The following PAPLN variants were observed in gnomAD, a reference collection of about 807,000 sequenced individuals.
The protein encoded by PAPLN is papilin.
PAPLN carries 146 observed loss-of-function variants against 159.0 expected under a neutral mutation model. The observed-to-expected ratio is 0.92, with a 90% CI of 0.80 to 1.05. The LOEUF (loss-of-function observed/expected upper bound fraction) is 1.05. Ranked by LOEUF, PAPLN falls within the 50% of genes least tolerant of loss-of-function variation. PAPLN has a pLI of 0.00. For synonymous variants in PAPLN, 734 were observed against 702.9 expected, an observed-to-expected ratio of 1.04 and a Z score of -0.70; for missense variants, 1,720 against 1,743.9, an observed-to-expected ratio of 0.99 and a Z score of 0.24.
chr14:73,263,151 A>G (rs1056590441), intron 19 of PAPLN: 2 of 350,650 alleles, frequency 5.7e-6, no homozygotes, highest in African/African-American at 4.2e-5. Context: ...AAGTCACCCA[A>G]CTTCTCCAAG....
At chr14:73,248,104 T>TGC (rs549399055) in intron 5 of PAPLN, among the ~76,000 whole-genome samples, 13 of 103,526 alleles carry the variant, frequency 1.3e-4, no homozygotes, top group African/African-American at 2.8e-4. Context: ...TGTGTGTGTG[T>TGC]GTGCGCGTGT....
At position 73,245,795 on chromosome 14, in the gene PAPLN, T is replaced by G. The variant is rs1218033832; in HGVS notation, c.231+99T>G. Reference sequence around the variant, plus strand: ...CCGCTCCTGGCCGCGGGCTGCTGGGTTGGCCCAGCCTGGGGTCCTCCCGCC... The same window carrying G: ...CCGCTCCTGGCCGCGGGCTGCTGGGGTGGCCCAGCCTGGGGTCCTCCCGCC... On this transcript the variant is annotated intron_variant, in intron 4 of 26. Transcript: ENST00000644200. This position sits in a 1 kb window ranked among gnomAD's most constrained non-coding sequence, Gnocchi z 4.2. 6.9e-7 allele frequency: 1 copy of G among 1,451,214 alleles called. No homozygotes were observed. The highest frequency in any genetic ancestry group is 9.3e-7 in the Non-Finnish European group (1 of 1,080,994). The allele number at this position is 1,451,214 out of a possible 1,614,324, so 89.9% of individuals were successfully genotyped here. A position where few individuals can be genotyped will look rare whatever the true frequency, so the allele number is the denominator to read the frequency against.
intron 1 of PAPLN, chr14:73,239,551 A>G (rs1477195833): frequency 7.5e-6 from 5 of 665,340 alleles, no homozygotes; most frequent in Non-Finnish European, 1.1e-5. Context: ...AACTTCTGCC[A>G]GTTGCGGATG....
chr14:73,268,319 G>A (rs1302925030), intron 25 of PAPLN: 2 of 452,676 alleles, frequency 4.4e-6, no homozygotes, highest in Non-Finnish European at 7.8e-6. Context: ...TGAAATAGCA[G>A]AAAACAACCT....
In PAPLN at chr14:73,273,856, A is replaced by G. The variant is rs539432989; in HGVS notation, c.*1192A>G. 6.6e-6 allele frequency: 1 copy of G among 152,358 alleles called. No individual in the cohort carries two copies. The highest frequency in any genetic ancestry group is 2.4e-5 in the African/African-American group (1 of 41,572). 9.4% of individuals were successfully genotyped at this position (152,358 alleles called of 1,614,324 possible). ...TTGTTGGCAAAATGGAATAGATGTT[A>G]AGACCTCAAATAGGGATTTGGGATG... On this transcript the variant is annotated 3_prime_UTR_variant, in exon 27 of 27. Transcript: ENST00000644200.
intron 2 of PAPLN, chr14:73,244,389 A>T (rs1883951340): frequency 2.4e-6 from 1 of 411,962 alleles, no homozygotes; most frequent in Admixed American, 4.2e-5. Context: ...GAAACTCCAA[A>T]CTCTTCCCAG....
chr14:73,251,485 G>C lies in PAPLN; in HGVS notation c.590-1G>C. 1.2e-6 allele frequency: 2 copies of C among 1,605,442 alleles called. No individual in the cohort carries two copies. The highest frequency in any genetic ancestry group is 1.7e-6 in the Non-Finnish European group (2 of 1,179,818). ...CCCAGCACCTGCGTCTCTGCCCCCA[G>C]GCTACAACCAGATCCTCATAGTTCC... is the stretch of plus-strand genomic sequence containing the variant. On this transcript the variant is annotated splice_acceptor_variant, in intron 7 of 26. Transcript: ENST00000644200. LOFTEE classifies it high-confidence loss of function.
chr14:73,266,309 C>T lies in PAPLN; in HGVS notation c.3264-192C>T, dbSNP rs1044579644. On this transcript the variant is annotated intron_variant, in intron 23 of 26. Coordinates refer to ENST00000644200, the MANE Select transcript of PAPLN (RefSeq NM_001365906.3). Reference sequence around the variant, plus strand: ...GAGATCGCACCACCGAAAGCGCCAGCAGCTGCAGGTGTAAAGTCTGAGGCC... The same window carrying T: ...GAGATCGCACCACCGAAAGCGCCAGTAGCTGCAGGTGTAAAGTCTGAGGCC... Among the ~76,000 whole-genome samples the T allele has an allele frequency of 2.0e-4, 30 of 152,288 alleles. No homozygotes were observed. In the East Asian group the frequency reaches 5.2e-3, roughly 26 times the overall value.
Position 73,272,692 on chromosome 14 carries a change from C to A in PAPLN, c.*28C>A. ...ATGAAGGCTAGTTCCAGCCCCAGTC[C>A]AAAATAGTTCATAGGGCTAGGGAGA... On this transcript the variant is annotated 3_prime_UTR_variant, in exon 27 of 27. Transcript: ENST00000644200. 6.6e-7 allele frequency: 1 copy of A among 1,515,538 alleles called. No homozygotes were observed. Among genetic ancestry groups the A allele is most frequent in the South Asian group, 1.3e-5 (1 of 78,198 alleles). 93.9% of individuals were successfully genotyped at this position (1,515,538 alleles called of 1,614,324 possible).
Position 73,262,606 on chromosome 14 carries a change from C to A in PAPLN, c.2502C>A (p.Gly834=), listed in dbSNP as rs1053466217. 2 of 1,551,674 alleles carry A rather than the reference C, an allele frequency of 1.3e-6. No homozygotes were observed. Among genetic ancestry groups the A allele is most frequent in the Non-Finnish European group, 1.7e-6 (2 of 1,146,100 alleles). ...HTDGGGSSPA[G]EQEPSQHRTG... ...ATGGTGGCGGCAGCAGTCCTGCAGG[C>A]GAGCAGGAACCCAGCCAGCACAGGA... The change falls in exon 19 of 27, where the codon GGC becomes GGA. Residue 834 remains glycine (G), a synonymous_variant. Transcript: ENST00000644200.
intron 19 of PAPLN, 45 bp from the exon 20 acceptor site, chr14:73,263,600 C>T: frequency 6.2e-7 from 1 of 1,612,384 alleles, no homozygotes; most frequent in Non-Finnish European, 8.5e-7. Flanking sequence ...GGTTCTGGTC[C>T]TGGCGCTCAT....
chr14:73,243,821 G>A (rs1883880401), intron 2 of PAPLN: 1 of 152,218 alleles, frequency 6.6e-6, no homozygotes, highest in Non-Finnish European at 1.5e-5. Flanking sequence ...CCAGGGGTCA[G>A]AAGTCTGGGG....
chr14:73,245,843 G>T lies in PAPLN; in HGVS notation c.231+147G>T, dbSNP rs1404246744. 2.7e-6 allele frequency: 3 copies of T among 1,121,952 alleles called. No homozygotes were observed. The highest frequency in any genetic ancestry group is 2.5e-6 in the Non-Finnish European group (2 of 797,740). The allele number at this position is 1,121,952 out of a possible 1,614,324, so 69.5% of individuals were successfully genotyped here. A position where few individuals can be genotyped will look rare whatever the true frequency, so the allele number is the denominator to read the frequency against. On this transcript the variant is annotated intron_variant, in intron 4 of 26. Transcript: ENST00000644200. The surrounding 1 kb of genome is among the most constrained non-coding windows in gnomAD (Gnocchi z 4.2). Reference sequence around the variant, plus strand: ...GCCAATCCACAGCAGGGCTGCGTGGGGGCCCCTTCCTCACCCTGCTCCCGG... The same window carrying T: ...GCCAATCCACAGCAGGGCTGCGTGGTGGCCCCTTCCTCACCCTGCTCCCGG...
intron 14 of PAPLN, among the ~76,000 whole-genome samples, chr14:73,256,719 C>G (rs1359620007): frequency 6.6e-6 from 1 of 151,728 alleles, no homozygotes; most frequent in East Asian, 1.9e-4. Context: ...CCCTTCTCTA[C>G]TAAAAATACA....
At chr14:73,254,023 G>A in intron 12 of PAPLN, 62 bp downstream of exon 12, 1 of 1,525,070 alleles carries the variant, frequency 6.6e-7, no homozygotes, top group Admixed American at 2.0e-5. Context: ...GAAGGGCTGG[G>A]GTCTTGTTCT....
chr14:73,252,828 GA>G, intron 11 of PAPLN, 53 bp downstream of exon 11: 1 of 1,606,560 alleles, frequency 6.2e-7, no homozygotes, highest in Non-Finnish European at 8.5e-7. Flanking sequence ...ACTTGGGTGG[GA>G]AGGGAACAAG....
chr14:73,255,166 C>T (rs949080134), intron 14 of PAPLN, 148 bp downstream of exon 14: 5 of 1,216,020 alleles, frequency 4.1e-6, no homozygotes, highest in Non-Finnish European at 5.6e-6. Flanking sequence ...CCCGCTGAAC[C>T]CTTTGCCATC....
chr14:73,242,225 A>G (rs996544696), intron 2 of PAPLN, among the ~76,000 whole-genome samples: 4 of 152,254 alleles, frequency 2.6e-5, no homozygotes, highest in African/African-American at 9.6e-5. Flanking sequence ...TGCTGGGCAC[A>G]GGAGGCAAGA....
Position 73,251,020 on chromosome 14 carries a change from C to T in PAPLN, c.579C>T (p.Asp193=), listed in dbSNP as rs1487850683. The T allele has an allele frequency of 1.2e-6, 2 of 1,611,872 alleles. No homozygotes were observed. Among genetic ancestry groups the T allele is most frequent in the Non-Finnish European group, 1.7e-6 (2 of 1,179,110 alleles). The change falls in exon 7 of 27, where the codon GAC becomes GAT. Residue 193 remains aspartate, a synonymous_variant. Transcript: ENST00000644200. ...YPVAGTFDAN[D]LSRGYNQILI... is the part of the protein sequence containing the mutation. ...TCGCAGGCACCTTTGACGCTAATGACCTCAGCCGAGGTGGGGGTGGTTCCG... is the reference window on the plus strand; with the variant it reads ...TCGCAGGCACCTTTGACGCTAATGATCTCAGCCGAGGTGGGGGTGGTTCCG...
Sources: gnomAD v4.1 joint callset for allele counts (sites outside exome capture counted in the v4.1 genomes callset) on GRCh38, gnomAD v4.1.1 for gene constraint, Gnocchi (gnomAD v3.1) non-coding constraint, MANE v1.5 for transcripts, NCBI Gene and HGNC (gene_info 2026-07-23, HGNC 2026-07-21) for gene names.